Variants in THBS4 observed in about 807,000 individuals in gnomAD.
THBS4 encodes thrombospondin 4.
In THBS4, 90 loss-of-function variants were observed where a neutral mutation model predicts 115.7. The ratio of observed to expected loss-of-function variants is 0.78; its 90% CI spans 0.66 to 0.93. THBS4 has a LOEUF of 0.93. THBS4 is among the 40% of genes least tolerant of loss of function. THBS4 has a pLI of 0.00. For synonymous variants in THBS4, 460 were observed against 479.3 expected (o/e 0.96, Z 0.53); for missense variants, 1,087 against 1,232.7 (o/e 0.88, Z 1.77).
At chr5:80,026,722 T>C (rs1285220567) in intron 2 of THBS4, among the ~76,000 whole-genome samples, 1 of 152,222 alleles carries the variant, frequency 6.6e-6, no homozygotes. Context: ...TCACTGATCC[T>C]ATAAAAACAA....
intron 2 of THBS4, among the ~76,000 whole-genome samples, chr5:80,054,519 C>T (rs1178880911): frequency 6.6e-6 from 1 of 152,076 alleles, no homozygotes; most frequent in Non-Finnish European, 1.5e-5. Context: ...CGGGGTTTCA[C>T]CATATTGGTC....
At chr5:80,046,280 G>A (rs557132472) in intron 2 of THBS4, among the ~76,000 whole-genome samples, 431 of 152,274 alleles carry the variant, frequency 2.8e-3, no homozygotes, top group South Asian at 0.023. Context: ...GCAGAAAAAC[G>A]CCCACTCTCT....
At position 80,081,308 on chromosome 5, in the gene THBS4, C is replaced by T. The variant is rs192278418; in HGVS notation, c.2685-1098C>T. 1.9e-3 allele frequency among the ~76,000 whole-genome samples: 286 copies of T among 152,256 alleles called. 1 individual carries two copies. Among genetic ancestry groups the T allele is most frequent in the African/African-American group, 6.7e-3 (279 of 41,548 alleles). Reference sequence around the variant, plus strand: ...TTCTCAGCCCTATTAAGCCCAATGCCCCTTTTTTATTATAAATATTTTGAA... The same window carrying T: ...TTCTCAGCCCTATTAAGCCCAATGCTCCTTTTTTATTATAAATATTTTGAA... On this transcript the variant is annotated intron_variant, in intron 20 of 21. Coordinates refer to ENST00000350881, the MANE Select transcript of THBS4 (RefSeq NM_003248.6).
intron 2 of THBS4, among the ~76,000 whole-genome samples, chr5:80,020,790 T>C (rs1166687433): frequency 6.6e-6 from 1 of 152,132 alleles, no homozygotes. Context: ...TCCTCTATAA[T>C]GCAGGCTTCT....
intron 2 of THBS4, among the ~76,000 whole-genome samples, chr5:80,048,474 C>T (rs1197898536): frequency 6.6e-6 from 1 of 152,200 alleles, no homozygotes; most frequent in Non-Finnish European, 1.5e-5. Context: ...AATTGCTTTG[C>T]ACCTCTTTCC....
chr5:80,035,911 C>T lies in THBS4; in HGVS notation c.88+286C>T. 1 of 979,894 alleles carries T rather than the reference C, an allele frequency of 1.0e-6. No individual in the cohort carries two copies. Among genetic ancestry groups the T allele is most frequent in the Non-Finnish European group, 1.3e-6 (1 of 784,892 alleles). 60.7% of individuals were successfully genotyped at this position (979,894 alleles called of 1,614,324 possible). The stretch of plus-strand genomic sequence containing the variant: ...GTGGGGTTGCCTTCAAAACTTGCTA[C>T]ACGGTCCTAGACCTCTTAACATGTT... On this transcript the variant is annotated intron_variant, in intron 1 of 21. Transcript: ENST00000350881. This position sits in a 1 kb window ranked among gnomAD's most constrained non-coding sequence, Gnocchi z 4.6.
At chr5:80,009,730 C>T (rs1226703153) in intron 2 of THBS4, among the ~76,000 whole-genome samples, 1 of 151,988 alleles carries the variant, frequency 6.6e-6, no homozygotes, top group East Asian at 1.9e-4. Context: ...TATTAATTGA[C>T]ATCTACAATT....
chr5:80,058,403 C>T, intron 4 of THBS4, 89 bp downstream of exon 4: 1 of 937,392 alleles, frequency 1.1e-6, no homozygotes, highest in African/African-American at 1.6e-5. Flanking sequence ...AAAAGTGGGA[C>T]TGTCAACAGA....
At chr5:80,042,921 G>A (rs1832950957) in intron 2 of THBS4, among the ~76,000 whole-genome samples, 1 of 152,014 alleles carries the variant, frequency 6.6e-6, no homozygotes, top group African/African-American at 2.4e-5. Flanking sequence ...AGCTGAGATT[G>A]TGCCGCTGCA....
At chr5:80,020,324 A>T (rs962621252) in intron 2 of THBS4, among the ~76,000 whole-genome samples, 1 of 152,152 alleles carries the variant, frequency 6.6e-6, no homozygotes, top group Non-Finnish European at 1.5e-5. Flanking sequence ...TACAAAAAAA[A>T]TTAGCCAGGC....
intron 20 of THBS4, chr5:80,082,126 A>G: frequency 2.7e-6 from 1 of 367,736 alleles, no homozygotes; most frequent in Non-Finnish European, 4.9e-6. Context: ...AGTGTGACCA[A>G]CATCATGTTA....
intron 2 of THBS4, among the ~76,000 whole-genome samples, chr5:80,029,612 T>A (rs910234604): frequency 1.3e-5 from 2 of 152,190 alleles, no homozygotes; most frequent in Non-Finnish European, 2.9e-5. Flanking sequence ...CTTGCTTTAC[T>A]AATCGTCAGT....
chr5:80,018,749 C>G (rs1339614235), intron 2 of THBS4, among the ~76,000 whole-genome samples: 1 of 152,044 alleles, frequency 6.6e-6, no homozygotes, highest in East Asian at 1.9e-4. Flanking sequence ...TTTCAAATGT[C>G]TGTTTTATTT....
chr5:80,080,277 C>G (rs1743422014), intron 20 of THBS4, 200 bp downstream of exon 20: 1 of 607,026 alleles, frequency 1.6e-6, no homozygotes, highest in South Asian at 2.1e-5. Flanking sequence ...CCGGACAGGA[C>G]AGTAGGACCA....
intron 20 of THBS4, chr5:80,082,004 A>C (rs1002022231): frequency 6.2e-6 from 1 of 161,596 alleles, no homozygotes; most frequent in African/African-American, 2.4e-5. Flanking sequence ...GGAAAAGCCA[A>C]AGTTTTTAAG....
intron 2 of THBS4, among the ~76,000 whole-genome samples, chr5:80,021,180 G>A (rs565202564): frequency 6.6e-5 from 10 of 152,162 alleles, no homozygotes; most frequent in African/African-American, 2.4e-4. Context: ...GATTCCTGGG[G>A]GTACCTGAGA....
chr5:80,059,647 C>T, intron 6 of THBS4, 56 bp from the exon 7 acceptor site: 1 of 1,603,048 alleles, frequency 6.2e-7, no homozygotes, highest in Non-Finnish European at 8.5e-7. Flanking sequence ...TTTTGTTTTG[C>T]CTTCTGTATA....
chr5:80,081,074 T>C (rs1743482354), intron 20 of THBS4, among the ~76,000 whole-genome samples: 1 of 152,196 alleles, frequency 6.6e-6, no homozygotes, highest in Non-Finnish European at 1.5e-5. Flanking sequence ...GAAATGTAGA[T>C]AGTGTTCTTC....
At chr5:80,070,612 A>G in intron 11 of THBS4, 31 bp from the exon 12 acceptor site, 2 of 1,591,484 alleles carry the variant, frequency 1.3e-6, no homozygotes, top group Non-Finnish European at 1.7e-6. Flanking sequence ...CAAATGTAGG[A>G]TGTCACTCGG....
Sources: gnomAD v4.1 joint callset for allele counts (sites outside exome capture counted in the v4.1 genomes callset) on GRCh38, gnomAD v4.1.1 for gene constraint, Gnocchi (gnomAD v3.1) non-coding constraint, MANE v1.5 for transcripts, NCBI Gene and HGNC (gene_info 2026-07-23, HGNC 2026-07-21) for gene names.